Variants in MDGA2 observed in about 807,000 individuals in gnomAD.
MDGA2 encodes the protein MAM domain containing glycosylphosphatidylinositol anchor 2.
Under a neutral mutation model 117.8 loss-of-function variants are expected in MDGA2, and 40 were observed. That is an observed-to-expected ratio of 0.34 (90% CI 0.26 to 0.44). The LOEUF is 0.44. Among genes scored for constraint, MDGA2 ranks in the 20% least tolerant of loss-of-function variants. MDGA2 has a pLI of 1.00. For missense variants in MDGA2, 1,123 were observed against 1,250.6 expected (o/e 0.90, Z 1.54); for synonymous variants, 452 against 439.0 (o/e 1.03, Z -0.37).
chr14:47,232,299 G>C (rs559034115), intron 2 of MDGA2, among the ~76,000 whole-genome samples: 1 of 151,718 alleles, frequency 6.6e-6, no homozygotes, highest in South Asian at 2.1e-4. Context: ...TATAACTAAG[G>C]TACATTTTTC....
At chr14:47,610,750 G>A (rs1218156901) in intron 1 of MDGA2, among the ~76,000 whole-genome samples, 3 of 151,854 alleles carry the variant, frequency 2.0e-5, no homozygotes. Flanking sequence ...TGAAGGACGG[G>A]GAGAATCAAT....
At chr14:47,078,772 C>T (rs1163045966) in intron 6 of MDGA2, among the ~76,000 whole-genome samples, 6 of 152,092 alleles carry the variant, frequency 3.9e-5, no homozygotes, top group Non-Finnish European at 1.5e-5. Flanking sequence ...GAAAAATGAT[C>T]CTAACAGTCC....
At chr14:47,016,009 A>G (rs1888070355) in intron 8 of MDGA2, among the ~76,000 whole-genome samples, 1 of 152,112 alleles carries the variant, frequency 6.6e-6, no homozygotes, top group Non-Finnish European at 1.5e-5. Flanking sequence ...TTTACTGGTA[A>G]TGCTTGTCTG....
chr14:47,540,074 A>C (rs565619764), intron 1 of MDGA2, among the ~76,000 whole-genome samples: 1 of 151,796 alleles, frequency 6.6e-6, no homozygotes, highest in East Asian at 1.9e-4. Context: ...GTGCGGTGGC[A>C]CGATCTCGGC....
intron 1 of MDGA2, among the ~76,000 whole-genome samples, chr14:47,514,980 A>G (rs10144222): frequency 0.42 from 64,599 of 152,010 alleles, 14,388 homozygotes; most frequent in East Asian, 0.61. Context: ...TAGATTAACT[A>G]TGTTTTGTCT....
At chr14:47,186,835 C>T (rs1001368801) in intron 3 of MDGA2, among the ~76,000 whole-genome samples, 25 of 151,960 alleles carry the variant, frequency 1.6e-4, no homozygotes, top group African/African-American at 5.5e-4. Flanking sequence ...TGCATTTCTT[C>T]GATTTTCTAG....
chr14:47,032,306 G>T (rs145299111), intron 8 of MDGA2, among the ~76,000 whole-genome samples: 2 of 152,138 alleles, frequency 1.3e-5, no homozygotes, highest in African/African-American at 4.8e-5. Flanking sequence ...AAAAAATCAG[G>T]ATGAACATGG....
chr14:46,843,090 G>A (rs1027017679), intron 16 of MDGA2, among the ~76,000 whole-genome samples: 1 of 151,922 alleles, frequency 6.6e-6, no homozygotes, highest in Admixed American at 6.6e-5. Context: ...CATACAGGGG[G>A]TGTTTTCATA....
intron 4 of MDGA2, among the ~76,000 whole-genome samples, chr14:47,141,676 CAT>C (rs1882723740): frequency 1.3e-5 from 2 of 151,912 alleles, no homozygotes; most frequent in African/African-American, 4.8e-5. Context: ...AAGTTGACCT[CAT>C]AGAATTAGGG....
At chr14:47,078,683 T>C (rs11628210) in intron 6 of MDGA2, among the ~76,000 whole-genome samples, 1 of 152,096 alleles carries the variant, frequency 6.6e-6, no homozygotes, top group South Asian at 2.1e-4. Flanking sequence ...AATAAACTTT[T>C]GGAAAGAAAA....
chr14:47,217,960 C>T, intron 3 of MDGA2, 61 bp downstream of exon 3: 1 of 1,346,280 alleles, frequency 7.4e-7, no homozygotes. Context: ...AAACCATAGA[C>T]TTGTAAGACA....
At chr14:47,562,319 A>C (rs1895832267) in intron 1 of MDGA2, among the ~76,000 whole-genome samples, 1 of 152,126 alleles carries the variant, frequency 6.6e-6, no homozygotes, top group African/African-American at 2.4e-5. Context: ...GATCTTCTTG[A>C]TACAGCTGGC....
At chr14:47,256,193 C>G (rs1321059482) in intron 2 of MDGA2, among the ~76,000 whole-genome samples, 1 of 150,054 alleles carries the variant, frequency 6.7e-6, no homozygotes, top group Non-Finnish European at 1.5e-5. Flanking sequence ...TCCTTTAAAA[C>G]TGACGTGGCC....
At chr14:47,172,120 G>T (rs997733454) in intron 3 of MDGA2, among the ~76,000 whole-genome samples, 1 of 152,168 alleles carries the variant, frequency 6.6e-6, no homozygotes, top group South Asian at 2.1e-4. Context: ...GCCCAGGCTT[G>T]CTCAGCTAAA....
intron 2 of MDGA2, among the ~76,000 whole-genome samples, chr14:47,262,788 T>C (rs577253276): frequency 1.2e-4 from 18 of 152,322 alleles, no homozygotes; most frequent in African/African-American, 4.1e-4. Context: ...AGAGCATAGA[T>C]TTGAAAGCTT....
chr14:47,051,827 A>G (rs1019988037), intron 7 of MDGA2, among the ~76,000 whole-genome samples: 33 of 151,866 alleles, frequency 2.2e-4, no homozygotes, highest in Admixed American at 1.4e-3. Flanking sequence ...CTTTTTGCCA[A>G]TTGTGAATGG....
At position 47,119,169 on chromosome 14, in the gene MDGA2, G is replaced by GC. The variant is rs755946456; in HGVS notation, c.925+12544dup. 4.6e-4 allele frequency among the ~76,000 whole-genome samples: 9 copies of GC among 19,382 alleles called. No homozygotes were observed. The East Asian group carries it at 8.5e-3, about 18-fold the overall frequency. 12.7% of individuals were successfully genotyped at this position (19,382 alleles called of 152,430 possible). On this transcript the variant is annotated intron_variant, in intron 5 of 16. Coordinates refer to ENST00000399232, the MANE Select transcript of MDGA2 (RefSeq NM_001113498.3). ...GGGTTCACGCCATTCTCCTGCCTCA[G>GC]CCCCGCCCCCCCCCCCCCACCCCGT...
intron 3 of MDGA2, among the ~76,000 whole-genome samples, chr14:47,161,465 C>G (rs1883629966): frequency 6.6e-6 from 1 of 151,842 alleles, no homozygotes; most frequent in Admixed American, 6.6e-5. Flanking sequence ...ATGGTTAGAA[C>G]TTATGCCATA....
intron 3 of MDGA2, among the ~76,000 whole-genome samples, chr14:47,177,661 C>T (rs997775306): frequency 6.6e-6 from 1 of 151,986 alleles, no homozygotes; most frequent in Non-Finnish European, 1.5e-5. Flanking sequence ...GGCATGAGGG[C>T]AGTGGGGAGG....
Sources: gnomAD v4.1 joint callset for allele counts (sites outside exome capture counted in the v4.1 genomes callset) on GRCh38, gnomAD v4.1.1 for gene constraint, MANE v1.5 for transcripts, NCBI Gene and HGNC (gene_info 2026-07-23, HGNC 2026-07-21) for gene names.